The following SLC25A6 variants were observed in gnomAD, a reference collection of about 807,000 sequenced individuals.
The protein encoded by SLC25A6 is ADP/ATP translocase 3.
A neutral mutation model predicts 25.7 loss-of-function variants in SLC25A6; 9 were observed. The ratio of observed to expected loss-of-function variants is 0.35; its 90% confidence interval spans 0.21 to 0.61. SLC25A6 has a LOEUF of 0.61. SLC25A6 is among the 20% of genes least tolerant of loss of function. The pLI is 0.76. For synonymous variants in SLC25A6, 223 were observed against 197.0 expected (o/e 1.13, Z -1.11); for missense variants, 404 against 440.5 (o/e 0.92, Z 0.74).
rs1220545530 is a variant in SLC25A6, at chrX:1,389,385, G to A, written c.454C>T (p.Arg152Cys). 1.1e-5 allele frequency: 17 copies of A among 1,613,610 alleles called. No homozygotes were observed. Among genetic ancestry groups the A allele is most frequent in the Non-Finnish European group, 1.4e-5 (17 of 1,179,876 alleles). Residue 152 changes from arginine to cysteine, a missense_variant, in exon 2 of 4, where the codon CGC becomes TGC. Transcript: ENST00000381401. Reference protein sequence around the residue: ...AADVGKSGTEREFRGLGDCLV... With the variant: ...AADVGKSGTECEFRGLGDCLV... ...CAGTCTCCCAGGCCTCGGAACTCGC[G>A]CTCTGTGCCTGACTTTCCCACGTCC...
chrX:1,386,671 G>T lies in SLC25A6; in HGVS notation c.828C>A (p.Ser276=). ...CGCCCCCCATGCCCCGCAGGACGTT[G>T]GACCACGCACCCTTGAAGAAGGCCT... ...GGKAFFKGAW[S]NVLRGMGGAF... The change falls in exon 4 of 4, where the codon TCC becomes TCA. Residue 276 remains serine (S), a synonymous_variant. Coordinates refer to ENST00000381401, the MANE Select transcript of SLC25A6 (RefSeq NM_001636.4). The T allele has an allele frequency of 1.2e-6, 2 of 1,612,874 alleles. No homozygotes were observed. The highest frequency in any genetic ancestry group is 3.3e-5 in the Admixed American group (2 of 59,896).
chrX:1,386,489 G>A lies in SLC25A6; in HGVS notation c.*113C>T, dbSNP rs1249628012. On this transcript the variant is annotated 3_prime_UTR_variant, in exon 4 of 4. Transcript: ENST00000381401. ...GGCCATCTACAGGCAGGATGCGGCTGGGAAAAAGACAACTGGAATTTCTCG... is the reference window on the plus strand; with the variant it reads ...GGCCATCTACAGGCAGGATGCGGCTAGGAAAAAGACAACTGGAATTTCTCG... 6 of 1,317,622 alleles carry A rather than the reference G, an allele frequency of 4.6e-6. No homozygotes were observed. Among genetic ancestry groups the A allele is most frequent in the East Asian group, 2.8e-5 (1 of 35,592 alleles). The allele number at this position is 1,317,622 out of a possible 1,614,324, so 81.6% of individuals were successfully genotyped here.
intron 2 of SLC25A6, among the ~76,000 whole-genome samples, chrX:1,387,812 G>A (rs144736314): frequency 5.3e-4 from 81 of 152,150 alleles, no homozygotes; most frequent in African/African-American, 1.8e-3. Flanking sequence ...TGGATATAAG[G>A]TCTTGAAAGA....
chrX:1,386,492 A>G lies in SLC25A6; in HGVS notation c.*110T>C. The G allele has an allele frequency of 2.5e-4, 336 of 1,329,048 alleles. No individual in the cohort carries two copies. Among genetic ancestry groups the G allele is most frequent in the African/African-American group, 6.1e-5 (4 of 65,934 alleles). 82.3% of individuals were successfully genotyped at this position (1,329,048 alleles called of 1,614,324 possible). A position where few individuals can be genotyped will look rare whatever the true frequency, so the allele number is the denominator to read the frequency against. On this transcript the variant is annotated 3_prime_UTR_variant, in exon 4 of 4. Transcript: ENST00000381401. ...CATCTACAGGCAGGATGCGGCTGGGAAAAAGACAACTGGAATTTCTCGAAG... is the reference window on the plus strand; with the variant it reads ...CATCTACAGGCAGGATGCGGCTGGGGAAAAGACAACTGGAATTTCTCGAAG...
Position 1,391,917 on chromosome X carries a change from C to G in SLC25A6, c.93G>C (p.Arg31=), listed in dbSNP as rs779253538. Residue 31 remains arginine, a synonymous_variant, in exon 1 of 4, where the codon CGG becomes CGC. Coordinates refer to ENST00000381401, the MANE Select transcript of SLC25A6 (RefSeq NM_001636.4). ...TCCCCACCTGCAGCAGCAGCTTGAC[C>G]CGCTCGATCGGAGCCACGGCCGTCT... ...ISKTAVAPIE[R]VKLLLQVQHA... is the part of the protein sequence containing the mutation. The G allele has an allele frequency of 1.2e-6, 2 of 1,607,802 alleles. No homozygotes were observed. The highest frequency in any genetic ancestry group is 2.2e-5 in the South Asian group (2 of 90,064).
Position 1,389,422 on chromosome X carries a change from G to T in SLC25A6, c.417C>A (p.Thr139=). ...CFVYPLDFAR[T]RLAADVGKSG... Reference sequence around the variant, plus strand: ...ACTTTCCCACGTCCGCTGCCAGGCGGGTTCTGGCGAAATCCAGCGGGTACA... The same window carrying T: ...ACTTTCCCACGTCCGCTGCCAGGCGTGTTCTGGCGAAATCCAGCGGGTACA... The change falls in exon 2 of 4, where the codon ACC becomes ACA. Residue 139 remains threonine, a synonymous_variant. Transcript: ENST00000381401. The T allele has an allele frequency of 6.2e-7, 1 of 1,613,852 alleles. No homozygotes were observed. Among genetic ancestry groups the T allele is most frequent in the Non-Finnish European group, 8.5e-7 (1 of 1,179,884 alleles).
intron 1 of SLC25A6, 142 bp downstream of exon 1, chrX:1,391,757 A>G (rs2089416126): frequency 1.6e-6 from 1 of 615,452 alleles, no homozygotes; most frequent in Admixed American, 3.1e-5. Context: ...GGCCCCCGGA[A>G]GCCGGCGGCG....
Position 1,392,079 on chromosome X carries a change from G to T in SLC25A6, c.-70C>A. The T allele has an allele frequency of 1.7e-6, 2 of 1,192,596 alleles. No homozygotes were observed. The highest frequency in any genetic ancestry group is 2.4e-6 in the Non-Finnish European group (2 of 828,016). 73.9% of individuals were successfully genotyped at this position (1,192,596 alleles called of 1,614,324 possible). A position where few individuals can be genotyped will look rare whatever the true frequency, so the allele number is the denominator to read the frequency against. ...GCGCGGAGAGTGAATGGAGGGCGTC[G>T]CTGGCTCAGCCCTGCCGCCGCCTGG... On this transcript the variant is annotated 5_prime_UTR_variant, in exon 1 of 4. Transcript: ENST00000381401.
At chrX:1,389,793 G>A (rs2089377926) in intron 1 of SLC25A6, 66 bp from the exon 2 acceptor site, 1 of 1,574,692 alleles carries the variant, frequency 6.4e-7, no homozygotes, top group South Asian at 1.1e-5. Context: ...CCCAGCTACA[G>A]GGTGCATCCT....
intron 3 of SLC25A6, 105 bp downstream of exon 3, chrX:1,387,174 C>T (rs2089336124): frequency 9.3e-6 from 13 of 1,393,582 alleles, no homozygotes; most frequent in African/African-American, 4.2e-5. Flanking sequence ...TTGTCTCACA[C>T]GCCCTGGAAG....
Position 1,386,773 on chromosome X carries a change from GA to G in SLC25A6, c.740-15del, listed in dbSNP as rs1985433985. On this transcript the variant is annotated splice_polypyrimidine_tract_variant and intron_variant, in intron 3 of 3. Coordinates refer to ENST00000381401, the MANE Select transcript of SLC25A6 (RefSeq NM_001636.4). ...ACATGATGTCAGCTGCAACGACAGG[GA>G]GACAGTGAGGGCCTCGCCGCCAAGC... The G allele has an allele frequency of 6.3e-7, 1 of 1,599,406 alleles. No homozygotes were observed. The highest frequency in any genetic ancestry group is 2.2e-5 in the East Asian group (1 of 44,480).
chrX:1,390,400 A>G (rs2089386461), intron 1 of SLC25A6: 1 of 153,710 alleles, frequency 6.5e-6, no homozygotes, highest in African/African-American at 2.4e-5. Context: ...GATCAAGAGC[A>G]TCCTAACACG....
intron 1 of SLC25A6, among the ~76,000 whole-genome samples, chrX:1,391,431 G>A (rs1374645843): frequency 2.6e-5 from 4 of 152,208 alleles, no homozygotes; most frequent in African/African-American, 7.2e-5. Context: ...AAGGGGGTAA[G>A]AACCACCAAT....
At chrX:1,391,539 C>A (rs1200023235) in intron 1 of SLC25A6, among the ~76,000 whole-genome samples, 3 of 152,222 alleles carry the variant, frequency 2.0e-5, no homozygotes, top group Admixed American at 2.0e-4. Flanking sequence ...GAGCAGACAC[C>A]TGCCAGGCAT....
In SLC25A6 at chrX:1,389,293, C is replaced by G. The variant is rs774126984; in HGVS notation, c.546G>C (p.Gln182His). The G allele has an allele frequency of 6.2e-7, 1 of 1,613,926 alleles. No homozygotes were observed. Among genetic ancestry groups the G allele is most frequent in the Non-Finnish European group, 8.5e-7 (1 of 1,179,864 alleles). Reference sequence around the variant, plus strand: ...AGGCCGCCCGGTAGATGATGATGCCCTGCACGGAGACACTGAAGCCCTGGT... The same window carrying G: ...AGGCCGCCCGGTAGATGATGATGCCGTGCACGGAGACACTGAAGCCCTGGT... ...GLYQGFSVSV[Q>H]GIIIYRAAYF... Residue 182 changes from glutamine to histidine, a missense_variant, in exon 2 of 4, where the codon CAG (glutamine) becomes CAC (histidine). Gln to His is a conservative substitution (Grantham distance 24, BLOSUM62 0). Transcript: ENST00000381401.
intron 1 of SLC25A6, among the ~76,000 whole-genome samples, chrX:1,391,355 C>T (rs1473554641): frequency 6.6e-6 from 1 of 152,166 alleles, no homozygotes; most frequent in Admixed American, 6.5e-5. Context: ...ATGCTACTTT[C>T]TATAAGCCTC....
intron 2 of SLC25A6, among the ~76,000 whole-genome samples, chrX:1,387,885 A>G (rs2089346772): frequency 6.6e-6 from 1 of 152,138 alleles, no homozygotes; most frequent in African/African-American, 2.4e-5. Flanking sequence ...TCCTTCTAAA[A>G]AGAGATGAGG....
chrX:1,386,820 C>T, intron 3 of SLC25A6, 61 bp from the exon 4 acceptor site: 1 of 1,549,044 alleles, frequency 6.5e-7, no homozygotes, highest in Non-Finnish European at 8.7e-7. Context: ...ACGGACGCCA[C>T]CTGCACCCAC....
intron 1 of SLC25A6, among the ~76,000 whole-genome samples, chrX:1,390,773 G>A (rs1182270158): frequency 6.6e-6 from 1 of 150,466 alleles, no homozygotes; most frequent in Non-Finnish European, 1.5e-5. Context: ...GATCCTCCCT[G>A]GGCCTCTCCG....
Sources: gnomAD v4.1 joint callset for allele counts (sites outside exome capture counted in the v4.1 genomes callset) on GRCh38, gnomAD v4.1.1 for gene constraint, MANE v1.5 for transcripts, NCBI Gene and HGNC (gene_info 2026-07-23, HGNC 2026-07-21) for gene names.